SKIC8: variants seen among roughly 807,000 people sequenced by gnomAD.
SKIC8 encodes the protein superkiller complex protein 8.
chr15:78,297,929 G>C, the SKIC8 span, among the ~76,000 whole-genome samples: 1 of 152,152 alleles, frequency 6.6e-6, no homozygotes, highest in Non-Finnish European at 1.5e-5. Context: ...TTTTGTTTTG[G>C]TTTTGTAAAG....
At chr15:78,298,839 G>A in the SKIC8 span, among the ~76,000 whole-genome samples, 1 of 152,140 alleles carries the variant, frequency 6.6e-6, no homozygotes, top group Admixed American at 6.5e-5. Context: ...CACTTTTCTA[G>A]TAAGAAAAGG....
the SKIC8 span, chr15:78,288,858 A>G: frequency 4.9e-5 from 21 of 426,498 alleles, no homozygotes; most frequent in African/African-American, 8.3e-5. Flanking sequence ...TTCTTTAGCT[A>G]CCCAGTCCTC....
chr15:78,297,994 C>A, the SKIC8 span, among the ~76,000 whole-genome samples: 16,755 of 152,228 alleles, frequency 0.11, 946 homozygotes, highest in Middle Eastern at 0.14. Context: ...CTCAAACGAT[C>A]CTCTTGTCTT....
chr15:78,283,316 T>C, the SKIC8 span: 4 of 741,634 alleles, frequency 5.4e-6, no homozygotes, highest in Middle Eastern at 2.5e-4. Context: ...ATCTACAAAA[T>C]TTAAGTCTTT....
At chr15:78,288,193 C>G in the SKIC8 span, 8 of 1,304,698 alleles carry the variant, frequency 6.1e-6, no homozygotes, top group Non-Finnish European at 6.5e-6. Context: ...GACTTGAGCA[C>G]AGGTCTTTAC....
the SKIC8 span, chr15:78,285,114 A>T: frequency 2.9e-5 from 20 of 695,266 alleles, no homozygotes; most frequent in East Asian, 5.4e-4. Flanking sequence ...AACTCTGGCT[A>T]CATGGATGAC....
At chr15:78,296,492 T>C in the SKIC8 span, among the ~76,000 whole-genome samples, 49 of 152,064 alleles carry the variant, frequency 3.2e-4, no homozygotes, top group African/African-American at 1.2e-3. Flanking sequence ...TTTCTTTGTG[T>C]GTGCCAAAGA....
the SKIC8 span, chr15:78,285,908 T>G: frequency 4.3e-6 from 3 of 693,756 alleles, no homozygotes; most frequent in Non-Finnish European, 6.8e-6. Flanking sequence ...AAATAAAAAT[T>G]TTAAGAACTG....
At chr15:78,292,539 A>C in the SKIC8 span, 2 of 1,593,526 alleles carry the variant, frequency 1.3e-6, no homozygotes, top group Non-Finnish European at 1.7e-6. Flanking sequence ...CTGAGCTGTA[A>C]AACACATTCT....
At chr15:78,296,018 GA>G in the SKIC8 span, 2 of 262,370 alleles carry the variant, frequency 7.6e-6, no homozygotes, top group Admixed American at 5.3e-5. Context: ...TCTTTAGAGA[GA>G]AAAAAACCAC....
At chr15:78,293,601 GA>G in the SKIC8 span, among the ~76,000 whole-genome samples, 1 of 152,128 alleles carries the variant, frequency 6.6e-6, no homozygotes, top group African/African-American at 2.4e-5. Flanking sequence ...AACCAGTGGG[GA>G]AGACCCCCTC....
chr15:78,293,712 T>C, the SKIC8 span, among the ~76,000 whole-genome samples: 12 of 152,124 alleles, frequency 7.9e-5, no homozygotes, highest in African/African-American at 2.9e-4. Context: ...TAAAAGAAAA[T>C]ACCTACTATA....
chr15:78,284,028 A>G, the SKIC8 span: 1 of 152,534 alleles, frequency 6.6e-6, no homozygotes, highest in African/African-American at 2.4e-5. Flanking sequence ...GCTAGACAAC[A>G]TGATATTGTG....
the SKIC8 span, among the ~76,000 whole-genome samples, chr15:78,296,764 A>G: frequency 6.6e-5 from 10 of 152,142 alleles, no homozygotes; most frequent in Non-Finnish European, 1.5e-4. Context: ...TGGCCTCCCA[A>G]AGTGCTGGGA....
chr15:78,293,094 C>A, the SKIC8 span: 1 of 1,347,700 alleles, frequency 7.4e-7, no homozygotes, highest in Non-Finnish European at 1.1e-6. Context: ...TCCCGGACTG[C>A]AACTGGAGAG....
chr15:78,297,816 C>T, the SKIC8 span, among the ~76,000 whole-genome samples: 2 of 152,228 alleles, frequency 1.3e-5, no homozygotes, highest in East Asian at 3.8e-4. Context: ...TTCTTTAAAT[C>T]TGCCAGCCTA....
chr15:78,296,014 G>A, the SKIC8 span: 209 of 285,934 alleles, frequency 7.3e-4, no homozygotes, highest in Non-Finnish European at 1.0e-3. Context: ...CTGCTCTTTA[G>A]AGAGAAAAAA....
the SKIC8 span, chr15:78,295,070 C>T: frequency 6.9e-7 from 1 of 1,441,388 alleles, no homozygotes; most frequent in Non-Finnish European, 9.7e-7. Flanking sequence ...ACAGAGTCAC[C>T]ACAGTGTTAG....
chr15:78,292,823 AAAG>A, the SKIC8 span: 1 of 1,608,878 alleles, frequency 6.2e-7, no homozygotes, highest in African/African-American at 1.3e-5. Context: ...ATTTCTTCAC[AAAG>A]AACACACTTT....
Sources: gnomAD v4.1 joint callset for allele counts (sites outside exome capture counted in the v4.1 genomes callset) on GRCh38, gnomAD v4.1.1 for gene constraint, MANE v1.5 for transcripts, NCBI Gene and HGNC (gene_info 2026-07-23, HGNC 2026-07-21) for gene names.